Variants in ABCA10 observed in about 807,000 individuals in gnomAD.
The protein encoded by ABCA10 is ATP-binding cassette sub-family A member 10.
Under a neutral mutation model 187.5 loss-of-function variants are expected in ABCA10, and 169 were observed. The ratio of observed to expected loss-of-function variants is 0.90; its 90% confidence interval spans 0.80 to 1.02. The LOEUF is 1.02. Among genes scored for constraint, ABCA10 ranks in the 50% least tolerant of loss-of-function variants. The pLI, the probability that ABCA10 is intolerant of heterozygous loss-of-function variation, is 0.00. For missense variants in ABCA10, 1,727 were observed against 1,812.4 expected (o/e 0.95, Z 0.86); for synonymous variants, 574 against 601.8 (o/e 0.95, Z 0.68).
chr17:69,240,222 G>A (rs79705610), intron 1 of ABCA10, among the ~76,000 whole-genome samples: 6,466 of 152,246 alleles, frequency 0.042, 185 homozygotes, highest in Non-Finnish European at 0.066. Flanking sequence ...GTGTGATACA[G>A]TACATTTCTT....
At position 69,219,784 on chromosome 17, in the gene ABCA10, AT is replaced by A; in HGVS notation, c.304-14del. On this transcript the variant is annotated splice_polypyrimidine_tract_variant and intron_variant, in intron 5 of 38. Transcript: ENST00000690296. ...GATTTGTTGTGACCTAAATTGGGAC[AT>A]TAGCAAATTTATTATGTGAACTATA... 6.6e-7 allele frequency: 1 copy of A among 1,510,874 alleles called. No homozygotes were observed. Among genetic ancestry groups the A allele is most frequent in the Non-Finnish European group, 8.9e-7 (1 of 1,121,186 alleles). 93.6% of individuals were successfully genotyped at this position (1,510,874 alleles called of 1,614,324 possible).
chr17:69,156,797 G>T (rs1308807038), intron 28 of ABCA10, 35 bp downstream of exon 28: 3 of 1,231,248 alleles, frequency 2.4e-6, no homozygotes, highest in African/African-American at 1.6e-5. Context: ...TAAATATTTA[G>T]ATTATATTCA....
intron 1 of ABCA10, among the ~76,000 whole-genome samples, chr17:69,243,163 G>T (rs1361753589): frequency 6.6e-6 from 1 of 152,226 alleles, no homozygotes; most frequent in Non-Finnish European, 1.5e-5. Flanking sequence ...TGGCAAATGT[G>T]TAACTCTGCA....
At chr17:69,182,534 T>G in intron 21 of ABCA10, 141 bp downstream of exon 21, 2 of 1,088,150 alleles carry the variant, frequency 1.8e-6, no homozygotes, top group Non-Finnish European at 2.5e-6. Flanking sequence ...ATATTTTATG[T>G]GACAAAGAAA....
chr17:69,153,709 T>C (rs2074149016), intron 32 of ABCA10, 122 bp downstream of exon 32: 4 of 1,450,456 alleles, frequency 2.8e-6, no homozygotes, highest in Non-Finnish European at 3.7e-6. Flanking sequence ...TTCAGGTATT[T>C]GAATCATTTT....
intron 9 of ABCA10, among the ~76,000 whole-genome samples, chr17:69,210,863 T>TGC (rs1389116624): frequency 6.8e-6 from 1 of 146,444 alleles, no homozygotes; most frequent in African/African-American, 2.7e-5. Context: ...TATATATATA[T>TGC]ATGCCATATT....
At chr17:69,190,237 T>A in intron 18 of ABCA10, 121 bp downstream of exon 18, 1 of 1,130,038 alleles carries the variant, frequency 8.8e-7, no homozygotes, top group Non-Finnish European at 1.2e-6. Flanking sequence ...CAATGCTATT[T>A]TCTATCTAAT....
chr17:69,212,117 C>A (rs747226818), intron 9 of ABCA10, among the ~76,000 whole-genome samples: 1 of 152,074 alleles, frequency 6.6e-6, no homozygotes, highest in Non-Finnish European at 1.5e-5. Context: ...GTATTTTATG[C>A]CATGAACTTT....
At chr17:69,217,399 T>C (rs2074714492) in intron 6 of ABCA10, among the ~76,000 whole-genome samples, 1 of 152,144 alleles carries the variant, frequency 6.6e-6, no homozygotes, top group East Asian at 1.9e-4. Context: ...CCAGCAAATA[T>C]ACCACTGAGC....
intron 1 of ABCA10, among the ~76,000 whole-genome samples, chr17:69,241,219 GC>G (rs1331342666): frequency 6.6e-6 from 1 of 152,020 alleles, no homozygotes; most frequent in Admixed American, 6.6e-5. Context: ...AAAACAAAAA[GC>G]CCTTGTGTCA....
chr17:69,194,306 G>T, intron 12 of ABCA10, 79 bp downstream of exon 12: 1 of 1,219,550 alleles, frequency 8.2e-7, no homozygotes, highest in South Asian at 1.3e-5. Context: ...GTCCAATTTA[G>T]AGAAACATTT....
chr17:69,156,480 C>T (rs1471986530), intron 28 of ABCA10, among the ~76,000 whole-genome samples: 2 of 152,094 alleles, frequency 1.3e-5, no homozygotes, highest in African/African-American at 4.8e-5. Context: ...GTGCAATATG[C>T]TTAGCCAAGT....
chr17:69,222,254 C>G lies in ABCA10; in HGVS notation c.199+279G>C, dbSNP rs533822401. ...TTTGGAGGCTTAGGCAGGAGAATCA[C>G]TGGATCTCGGGAGGCAGCGGTTCCA... On this transcript the variant is annotated intron_variant, in intron 4 of 38. Transcript: ENST00000690296. Among the ~76,000 whole-genome samples, 209 of 151,652 alleles carry G rather than the reference C, an allele frequency of 1.4e-3. 6 individuals carry two copies. Among genetic ancestry groups the G allele is most frequent in the Admixed American group, 0.014 (208 of 15,218 alleles).
chr17:69,178,833 G>T (rs1381033548), intron 22 of ABCA10: 1 of 151,998 alleles, frequency 6.6e-6, no homozygotes, highest in East Asian at 1.9e-4. Context: ...ACTAGAAAAA[G>T]ACTGAAATTC....
At chr17:69,227,400 T>G (rs1036432910) in intron 1 of ABCA10, 115 bp from the exon 2 acceptor site, 4 of 152,082 alleles carry the variant, frequency 2.6e-5, no homozygotes, top group Non-Finnish European at 5.9e-5. Flanking sequence ...AGCAACATAT[T>G]CAATCAGGAT....
At chr17:69,194,344 T>C (rs751760481) in intron 12 of ABCA10, 41 bp downstream of exon 12, 1 of 1,521,016 alleles carries the variant, frequency 6.6e-7, no homozygotes, top group South Asian at 1.1e-5. Context: ...ATTTACAACT[T>C]GCTTTTTCAG....
intron 10 of ABCA10, 96 bp downstream of exon 10, chr17:69,201,399 AAAAAG>A (rs2074543156): frequency 3.6e-6 from 4 of 1,099,856 alleles, no homozygotes; most frequent in Admixed American, 3.1e-5. Context: ...GAGAAATAAT[AAAAAG>A]AAAAGAACAC....
In ABCA10 at chr17:69,219,640, A is replaced by T. The variant is rs1444375954; in HGVS notation, c.435T>A (p.Ser145=). 8 of 1,611,248 alleles carry T rather than the reference A, an allele frequency of 5.0e-6. No individual in the cohort carries two copies. Among genetic ancestry groups the T allele is most frequent in the Non-Finnish European group, 5.9e-6 (7 of 1,178,836 alleles). The change falls in exon 6 of 39, where the codon TCT becomes TCA. Residue 145 remains serine, a synonymous_variant. Coordinates refer to ENST00000690296, the MANE Select transcript of ABCA10 (RefSeq NM_001377321.1). Reference sequence around the variant, plus strand: ...TTAATGATGCAAAGTATATAAAAGAAGAGAAAGAAACTAAGCAAGTAAAAT... The same window carrying T: ...TTAATGATGCAAAGTATATAAAAGATGAGAAAGAAACTAAGCAAGTAAAAT... ...WFHFTCLVSF[S]SFIYFASLNV...
rs200917908 is a variant in ABCA10, at chr17:69,180,680, C to T, written c.2769+1473G>A. Among the ~76,000 whole-genome samples the T allele has an allele frequency of 1.2e-4, 19 of 152,254 alleles. No individual in the cohort carries two copies. In the East Asian group the frequency reaches 3.1e-3, roughly 25 times the overall value. ...TCTTATTTTTGCTCTGAACTGGTAG[C>T]ACATTGCTATTACCATCCAGAGAGA... On this transcript the variant is annotated intron_variant, in intron 22 of 38. Coordinates refer to ENST00000690296, the MANE Select transcript of ABCA10 (RefSeq NM_001377321.1).
Sources: gnomAD v4.1 joint callset for allele counts (sites outside exome capture counted in the v4.1 genomes callset) on GRCh38, gnomAD v4.1.1 for gene constraint, MANE v1.5 for transcripts, NCBI Gene and HGNC (gene_info 2026-07-23, HGNC 2026-07-21) for gene names.